ZC4H2: variants seen among roughly 807,000 people sequenced by gnomAD.
ZC4H2 encodes the protein zinc finger C4H2-type containing, also known as zinc finger C4H2 domain-containing protein.
For synonymous variants in ZC4H2, 84 were observed against 66.3 expected (o/e 1.27, Z -1.30); for missense variants, 137 against 173.9 (o/e 0.79, Z 1.19).
chrX:64,989,228 T>G (rs1480092977), intron 1 of ZC4H2, among the ~76,000 whole-genome samples: 1 of 112,054 alleles, frequency 8.9e-6, no homozygotes, highest in Non-Finnish European at 1.9e-5. Context: ...ATATGAACTT[T>G]AAAGTAGTTT....
intron 1 of ZC4H2, among the ~76,000 whole-genome samples, chrX:64,937,591 C>T (rs1453865105): frequency 8.9e-6 from 1 of 111,828 alleles, no homozygotes; most frequent in African/African-American, 3.3e-5. Flanking sequence ...GTCTCTCAGA[C>T]CACAGTGCAA....
At chrX:64,962,066 C>A (rs887586454) in intron 1 of ZC4H2, among the ~76,000 whole-genome samples, 1 of 111,415 alleles carries the variant, frequency 9.0e-6, no homozygotes, top group African/African-American at 3.3e-5. Flanking sequence ...ATTTTATGAG[C>A]CTAGCACTAC....
At chrX:65,004,625 G>A (rs1932618655) in intron 1 of ZC4H2, among the ~76,000 whole-genome samples, 1 of 111,708 alleles carries the variant, frequency 9.0e-6, no homozygotes, top group Non-Finnish European at 1.9e-5. Context: ...ATCCAATATT[G>A]TACTATATGG....
At chrX:64,947,849 T>C (rs1328929940) in intron 1 of ZC4H2, among the ~76,000 whole-genome samples, 1 of 110,677 alleles carries the variant, frequency 9.0e-6, no homozygotes, top group African/African-American at 3.3e-5. Context: ...ACTTCTCTTT[T>C]TTTTTTTTTT....
At chrX:64,961,164 A>C (rs1931374517) in intron 1 of ZC4H2, among the ~76,000 whole-genome samples, 1 of 111,528 alleles carries the variant, frequency 9.0e-6, no homozygotes, top group Non-Finnish European at 1.9e-5. Flanking sequence ...ATTGTTGCAT[A>C]TTTCTGGTGA....
intron 1 of ZC4H2, among the ~76,000 whole-genome samples, chrX:65,031,288 G>A (rs887868583): frequency 1.8e-5 from 2 of 111,923 alleles, no homozygotes; most frequent in Non-Finnish European, 3.8e-5. Context: ...TTCTACTTTT[G>A]CTGAACACAT....
chrX:64,927,061 T>G (rs985901622), intron 1 of ZC4H2, among the ~76,000 whole-genome samples: 1 of 112,083 alleles, frequency 8.9e-6, no homozygotes, highest in South Asian at 3.7e-4. Context: ...AGCTTGCCTT[T>G]TTGTCACCTT....
At chrX:65,012,224 C>CAAAAAAAAAAAA (rs10606871) in intron 1 of ZC4H2, among the ~76,000 whole-genome samples, 20 of 25,113 alleles carry the variant, frequency 8.0e-4, no homozygotes, top group Admixed American at 1.8e-3. Flanking sequence ...GACCCCGTCT[C>CAAAAAAAAAAAA]AAAAAAAAAA....
At chrX:64,984,345 G>C (rs1932138569) in intron 1 of ZC4H2, among the ~76,000 whole-genome samples, 1 of 112,024 alleles carries the variant, frequency 8.9e-6, no homozygotes, top group Non-Finnish European at 1.9e-5. Context: ...TACACAAGAG[G>C]ACAGGAGTTT....
At chrX:64,952,115 A>C (rs1303615396) in intron 1 of ZC4H2, among the ~76,000 whole-genome samples, 1 of 110,556 alleles carries the variant, frequency 9.0e-6, no homozygotes, top group Non-Finnish European at 1.9e-5. Flanking sequence ...AGTTGTAGAC[A>C]TGTGGCGTTA....
chrX:64,930,041 T>A (rs1287174021), intron 1 of ZC4H2, among the ~76,000 whole-genome samples: 2 of 111,841 alleles, frequency 1.8e-5, no homozygotes, highest in Non-Finnish European at 3.8e-5. Context: ...ATCTATGATC[T>A]TTTTTAGGAG....
At position 64,917,664 on chromosome X, in the gene ZC4H2, A is replaced by C. The variant is rs1333059378; in HGVS notation, c.*119T>G. 2.0e-6 allele frequency: 2 copies of C among 1,015,476 alleles called. No homozygotes were observed. The highest frequency in any genetic ancestry group is 6.8e-5 in the East Asian group (2 of 29,274). 83.7% of individuals were successfully genotyped at this position (1,015,476 alleles called of 1,213,427 possible). On this transcript the variant is annotated 3_prime_UTR_variant, in exon 5 of 5. Coordinates refer to ENST00000374839, the MANE Select transcript of ZC4H2 (RefSeq NM_018684.4). The stretch of plus-strand genomic sequence containing the variant: ...AAAGTGAGAGAGGGGTTGTGCTTCC[A>C]TCACATTAAATAGGAGACTTCGTGG...
chrX:64,978,663 A>G (rs998534305), upstream of ZC4H2, among the ~76,000 whole-genome samples: 3 of 111,774 alleles, frequency 2.7e-5, no homozygotes, highest in African/African-American at 9.8e-5. Context: ...TGTCCACACA[A>G]TAAGTTATAA....
intron 1 of ZC4H2, among the ~76,000 whole-genome samples, chrX:64,970,071 T>C (rs928189842): frequency 4.5e-5 from 5 of 111,846 alleles, no homozygotes; most frequent in Non-Finnish European, 9.4e-5. Context: ...AGCCCAGCCC[T>C]GATTATGGCC....
At chrX:64,974,259 T>C (rs1931871847) in intron 1 of ZC4H2, among the ~76,000 whole-genome samples, 2 of 112,232 alleles carry the variant, frequency 1.8e-5, no homozygotes, top group Non-Finnish European at 3.8e-5. Flanking sequence ...GTCACTTTGT[T>C]CTTCTTTATG....
At chrX:65,011,903 A>G (rs1465963225) in intron 1 of ZC4H2, among the ~76,000 whole-genome samples, 1 of 109,074 alleles carries the variant, frequency 9.2e-6, no homozygotes, top group Admixed American at 9.9e-5. Context: ...TTTAGTAGAG[A>G]CAGGGTTTCA....
chrX:64,950,475 G>T (rs1033323552), intron 1 of ZC4H2, among the ~76,000 whole-genome samples: 6 of 111,164 alleles, frequency 5.4e-5, no homozygotes, highest in African/African-American at 2.0e-4. Context: ...ATTATTGTGT[G>T]GGAGTCTAAG....
At chrX:65,002,216 A>G (rs1405014325) in intron 1 of ZC4H2, among the ~76,000 whole-genome samples, 2 of 112,318 alleles carry the variant, frequency 1.8e-5, no homozygotes, top group Non-Finnish European at 3.8e-5. Flanking sequence ...TCCTGAGCAA[A>G]TGCAAAAGAA....
intron 1 of ZC4H2, among the ~76,000 whole-genome samples, chrX:64,931,896 CTGTT>C (rs1220352460): frequency 9.0e-6 from 1 of 111,566 alleles, no homozygotes; most frequent in Non-Finnish European, 1.9e-5. Flanking sequence ...TTTAAGTCCA[CTGTT>C]TCTTTGTTGA....
Sources: allele counts gnomAD v4.1 joint callset (sites outside exome capture counted in the v4.1 genomes callset), GRCh38; gene constraint gnomAD v4.1.1; transcripts MANE v1.5; gene names NCBI Gene and HGNC (gene_info 2026-07-23, HGNC 2026-07-21).